Variants in ST6GALNAC3 observed in about 807,000 individuals in gnomAD.
The protein encoded by ST6GALNAC3 is alpha-N-acetylgalactosaminide alpha-2,6-sialyltransferase 3.
A neutral mutation model predicts 32.7 loss-of-function variants in ST6GALNAC3; 25 were observed. The observed-to-expected ratio is 0.76, with a 90% CI of 0.56 to 1.07. The LOEUF (loss-of-function observed/expected upper bound fraction) is 1.07, where lower values mean the gene tolerates loss of function less well. Ranked by LOEUF, ST6GALNAC3 falls within the 50% of genes least tolerant of loss-of-function variation. ST6GALNAC3 has a pLI of 0.00. For missense variants in ST6GALNAC3, 355 were observed against 382.4 expected (o/e 0.93, Z 0.60); for synonymous variants, 129 against 133.1 (o/e 0.97, Z 0.21).
chr1:76,210,347 C>T (rs1169992560), intron 1 of ST6GALNAC3, among the ~76,000 whole-genome samples: 1 of 152,140 alleles, frequency 6.6e-6, no homozygotes, highest in African/African-American at 2.4e-5. Flanking sequence ...ACCACAGTTA[C>T]CCTTTCTCTG....
intron 2 of ST6GALNAC3, among the ~76,000 whole-genome samples, chr1:76,335,346 C>T (rs1309801644): frequency 2.0e-5 from 3 of 152,060 alleles, no homozygotes; most frequent in Non-Finnish European, 2.9e-5. Context: ...CCAGCTCAGC[C>T]GTGAGGATGG....
intron 1 of ST6GALNAC3, among the ~76,000 whole-genome samples, chr1:76,275,063 A>C (rs1486517704): frequency 6.6e-6 from 1 of 152,236 alleles, no homozygotes; most frequent in Non-Finnish European, 1.5e-5. Flanking sequence ...AGTGTTTTCC[A>C]AGATGTGTTA....
chr1:76,605,671 C>T (rs2100647604), intron 3 of ST6GALNAC3, among the ~76,000 whole-genome samples: 1 of 151,932 alleles, frequency 6.6e-6, no homozygotes, highest in African/African-American at 2.4e-5. Flanking sequence ...TCAAGACCAG[C>T]CTGGCCAACA....
At chr1:76,490,825 G>C (rs538494975) in intron 3 of ST6GALNAC3, among the ~76,000 whole-genome samples, 23 of 151,572 alleles carry the variant, frequency 1.5e-4, no homozygotes, top group African/African-American at 5.6e-4. Context: ...CTGGGAATAT[G>C]ATGCATTTAG....
chr1:76,455,834 C>G (rs1019009450), intron 3 of ST6GALNAC3, among the ~76,000 whole-genome samples: 2 of 152,226 alleles, frequency 1.3e-5, no homozygotes, highest in Non-Finnish European at 2.9e-5. Flanking sequence ...ATTTTCAGAG[C>G]CTCTTTACCC....
chr1:76,281,661 C>T (rs1005362506), intron 1 of ST6GALNAC3, among the ~76,000 whole-genome samples: 4 of 152,204 alleles, frequency 2.6e-5, no homozygotes, highest in Non-Finnish European at 5.9e-5. Flanking sequence ...ATAATGACTA[C>T]AAACTGGCTG....
chr1:76,114,646 A>G lies in ST6GALNAC3; in HGVS notation c.18+39762A>G, dbSNP rs374727428. Among the ~76,000 whole-genome samples the G allele has an allele frequency of 2.1e-4, 32 of 152,312 alleles. No homozygotes were observed. In the East Asian group the frequency reaches 6.0e-3, roughly 29 times the overall value. On this transcript the variant is annotated intron_variant, in intron 1 of 4. Transcript: ENST00000328299. ...AAGGAACAGGTTGAGGGATGTATAT[A>G]AATGGTAGGTTTCTCACTTTGGGAG...
chr1:76,134,992 A>C (rs1649847909), intron 1 of ST6GALNAC3, among the ~76,000 whole-genome samples: 1 of 152,080 alleles, frequency 6.6e-6, no homozygotes, highest in Admixed American at 6.6e-5. Flanking sequence ...AAAATACAAA[A>C]TTAGCCAGGC....
In ST6GALNAC3 at chr1:76,187,327, A is replaced by G. The variant is rs1653618484; in HGVS notation, c.18+112443A>G. Among the ~76,000 whole-genome samples the G allele has an allele frequency of 3.3e-5, 5 of 152,302 alleles. No individual in the cohort carries two copies. The South Asian group carries it at 8.3e-4, about 25-fold the overall frequency. On this transcript the variant is annotated intron_variant, in intron 1 of 4. Coordinates refer to ENST00000328299, the MANE Select transcript of ST6GALNAC3 (RefSeq NM_152996.4). ...ACTTGATATTCCATTGTGAGATCTCAGAATAAAGTAAAGGTAGGCTGTGGT... is the reference window on the plus strand; with the variant it reads ...ACTTGATATTCCATTGTGAGATCTCGGAATAAAGTAAAGGTAGGCTGTGGT...
intron 3 of ST6GALNAC3, among the ~76,000 whole-genome samples, chr1:76,454,122 T>A (rs1385071075): frequency 1.3e-5 from 2 of 152,134 alleles, no homozygotes; most frequent in Non-Finnish European, 2.9e-5. Context: ...TGGTGTTCAT[T>A]TGTTTGGAAT....
At chr1:76,127,110 C>T (rs928305108) in intron 1 of ST6GALNAC3, among the ~76,000 whole-genome samples, 9 of 152,126 alleles carry the variant, frequency 5.9e-5, no homozygotes, top group African/African-American at 1.4e-4. Context: ...TCAGGACTTT[C>T]GTGAGCTCAT....
chr1:76,190,782 G>A (rs570495215), intron 1 of ST6GALNAC3, among the ~76,000 whole-genome samples: 7 of 152,242 alleles, frequency 4.6e-5, no homozygotes, highest in South Asian at 2.1e-4. Context: ...TTGTTCTTAC[G>A]GACATCTAAA....
At chr1:76,535,006 A>T (rs950991313) in intron 3 of ST6GALNAC3, among the ~76,000 whole-genome samples, 5 of 152,168 alleles carry the variant, frequency 3.3e-5, no homozygotes, top group African/African-American at 1.2e-4. Flanking sequence ...ACTTGCTAAG[A>T]CTGATTTTAT....
At chr1:76,391,567 CCTT>C (rs1652560843) in intron 2 of ST6GALNAC3, among the ~76,000 whole-genome samples, 1 of 136,660 alleles carries the variant, frequency 7.3e-6, no homozygotes, top group Non-Finnish European at 1.6e-5. Context: ...TTCCTTCCTT[CCTT>C]CCTCCCACTT....
intron 3 of ST6GALNAC3, among the ~76,000 whole-genome samples, chr1:76,424,489 A>G (rs1655241284): frequency 6.6e-6 from 1 of 151,904 alleles, no homozygotes; most frequent in Admixed American, 6.6e-5. Context: ...TAATAAGAAG[A>G]GTTTCCTAAT....
intron 1 of ST6GALNAC3, among the ~76,000 whole-genome samples, chr1:76,231,081 C>T (rs912698414): frequency 1.3e-5 from 2 of 152,118 alleles, no homozygotes; most frequent in African/African-American, 2.4e-5. Context: ...CAAGACAAGG[C>T]CTTGGGAGAC....
chr1:76,254,394 C>T (rs1487666785), intron 1 of ST6GALNAC3, among the ~76,000 whole-genome samples: 1 of 152,072 alleles, frequency 6.6e-6, no homozygotes, highest in East Asian at 1.9e-4. Context: ...ATTTCTCTCC[C>T]CTATTCAGTT....
intron 3 of ST6GALNAC3, among the ~76,000 whole-genome samples, chr1:76,468,167 G>A (rs1460311652): frequency 6.6e-6 from 1 of 151,512 alleles, no homozygotes; most frequent in Admixed American, 6.6e-5. Flanking sequence ...AGTGAGGGTG[G>A]GTCTAGCTTA....
At chr1:76,229,853 C>T (rs564645934) in intron 1 of ST6GALNAC3, among the ~76,000 whole-genome samples, 8 of 152,300 alleles carry the variant, frequency 5.3e-5, no homozygotes, top group South Asian at 2.1e-4. Flanking sequence ...TACCATCTCA[C>T]GGTGAACCCC....
Sources: gnomAD v4.1 joint callset for allele counts (sites outside exome capture counted in the v4.1 genomes callset) on GRCh38, gnomAD v4.1.1 for gene constraint, MANE v1.5 for transcripts, NCBI Gene and HGNC (gene_info 2026-07-23, HGNC 2026-07-21) for gene names.